NREP: variants seen among roughly 807,000 people sequenced by gnomAD.
NREP encodes the protein neuronal regeneration-related protein.
NREP carries 5 observed loss-of-function variants against 8.6 expected under a neutral mutation model. The ratio of observed to expected loss-of-function variants is 0.58; its 90% CI spans 0.30 to 1.22. The LOEUF is 1.22. NREP is among the 50% of genes most tolerant of loss of function. The pLI is 0.07. For missense variants in NREP, 86 were observed against 82.5 expected (o/e 1.04, Z -0.17); for synonymous variants, 27 against 28.0 (o/e 0.96, Z 0.11).
upstream of NREP, among the ~76,000 whole-genome samples, chr5:111,758,590 G>GA (rs1270069415): frequency 6.6e-6 from 1 of 151,798 alleles, no homozygotes; most frequent in Non-Finnish European, 1.5e-5. Context: ...GCCTTTCCAA[G>GA]AAAAAAAGAT....
At chr5:111,758,294 T>C (rs972043294), upstream of NREP, 1 of 978,758 alleles carries the variant, frequency 1.0e-6, no homozygotes, top group African/African-American at 1.8e-5. Context: ...GCCCAAGACA[T>C]ACTCCCCTGG....
At chr5:111,957,247 GATAAA>G (rs1756350878) in intron 2 of NREP, among the ~76,000 whole-genome samples, 2 of 151,776 alleles carry the variant, frequency 1.3e-5, no homozygotes, top group African/African-American at 4.8e-5. Flanking sequence ...ATTGTGATTT[GATAAA>G]ATAATAATCT....
intron 2 of NREP, among the ~76,000 whole-genome samples, chr5:111,777,501 C>T (rs192886805): frequency 6.6e-6 from 1 of 152,156 alleles, no homozygotes; most frequent in African/African-American, 2.4e-5. Context: ...CATGTAAAAA[C>T]ACACAAATTT....
chr5:111,758,086 G>T (rs78965386), upstream of NREP: 2 of 985,506 alleles, frequency 2.0e-6, no homozygotes, highest in East Asian at 1.1e-4. Flanking sequence ...GTCCGCGAAG[G>T]ATGCATTTGC....
At chr5:111,881,693 C>A (rs1371071506) in intron 2 of NREP, among the ~76,000 whole-genome samples, 1 of 152,178 alleles carries the variant, frequency 6.6e-6, no homozygotes, top group African/African-American at 2.4e-5. Flanking sequence ...TGTTCTGCAG[C>A]CACCTCTGCA....
rs573527456 is a variant in NREP at position 111,780,499 on chromosome 5, A to C, written c.136-44992T>G. ...TCTAAGTTATTTGGCTACAATGTAA[A>C]TCCCACTCATTGCTGCAAACATCAG... On this transcript the variant is annotated intron_variant, in intron 2 of 3. Transcript: ENST00000395634. 9.9e-5 allele frequency among the ~76,000 whole-genome samples: 15 copies of C among 152,236 alleles called. No individual in the cohort carries two copies. In the South Asian group the frequency reaches 3.1e-3, roughly 32 times the overall value.
At chr5:111,951,841 T>C (rs1208094092) in intron 2 of NREP, among the ~76,000 whole-genome samples, 1 of 152,118 alleles carries the variant, frequency 6.6e-6, no homozygotes, top group Admixed American at 6.6e-5. Context: ...TTTATATCCA[T>C]GTTTGCGAGG....
intron 2 of NREP, among the ~76,000 whole-genome samples, chr5:111,879,997 G>C (rs6594556): frequency 0.43 from 64,953 of 152,008 alleles, 16,919 homozygotes; most frequent in Non-Finnish European, 0.6. Context: ...AATTTGGGGA[G>C]ATATAAACAT....
chr5:111,748,205 G>T (rs1561644202), intron 2 of NREP, among the ~76,000 whole-genome samples: 1 of 152,152 alleles, frequency 6.6e-6, no homozygotes, highest in Non-Finnish European at 1.5e-5. Flanking sequence ...AGAATTTTAG[G>T]AGTCATTTTT....
intron 2 of NREP, among the ~76,000 whole-genome samples, chr5:111,907,287 C>T (rs1754801485): frequency 6.6e-6 from 1 of 152,002 alleles, no homozygotes; most frequent in Non-Finnish European, 1.5e-5. Flanking sequence ...TTGATTTTCT[C>T]CTGTTATACT....
rs146373111 is a variant in NREP, at chr5:111,849,421, A to T, written c.136-113914T>A. On this transcript the variant is annotated intron_variant, in intron 2 of 3. Coordinates refer to the NREP transcript ENST00000395634. ...TTCAAAGGTAAGCAGGGTTATACTT[A>T]TGAGATCTTAGCTATGTTTAAAGTT... Among the ~76,000 whole-genome samples the T allele has an allele frequency of 1.4e-3, 208 of 152,284 alleles. 1 individual carries two copies. The highest frequency in any genetic ancestry group is 4.8e-3 in the African/African-American group (200 of 41,574).
At chr5:111,864,528 G>T (rs530588236) in intron 2 of NREP, among the ~76,000 whole-genome samples, 1 of 152,066 alleles carries the variant, frequency 6.6e-6, no homozygotes, top group African/African-American at 2.4e-5. Context: ...TAATGAAAAA[G>T]CAGATAGACA....
chr5:111,943,021 C>T (rs1005327085), intron 2 of NREP, among the ~76,000 whole-genome samples: 25 of 151,940 alleles, frequency 1.6e-4, no homozygotes, highest in African/African-American at 6.0e-4. Flanking sequence ...CCTTTCTCCC[C>T]TTTGATCTCC....
chr5:111,957,959 C>T (rs1210230897), intron 2 of NREP, among the ~76,000 whole-genome samples: 1 of 151,756 alleles, frequency 6.6e-6, no homozygotes, highest in Non-Finnish European at 1.5e-5. Flanking sequence ...TGCAACAATA[C>T]CCATTCATGA....
Position 111,755,551 on chromosome 5 carries a change from T to G in NREP, c.3+219A>C, listed in dbSNP as rs542841449. On this transcript the variant is annotated intron_variant, in intron 2 of 3. Coordinates refer to ENST00000257435, the MANE Select transcript of NREP (RefSeq NM_004772.4). ...TTCTGAAAGAGGAATTTTAGTTTTC[T>G]ATTCAAAATAATTGCAAGTCAAAGA... 5.1e-4 allele frequency: 303 copies of G among 590,340 alleles called. 1 individual carries two copies. Among genetic ancestry groups the G allele is most frequent in the Admixed American group, 5.7e-4 (21 of 36,946 alleles). The allele number at this position is 590,340 out of a possible 1,614,324, so 36.6% of individuals were successfully genotyped here.
intron 2 of NREP, among the ~76,000 whole-genome samples, chr5:111,937,718 T>G (rs1277359889): frequency 2.6e-5 from 4 of 151,952 alleles, no homozygotes; most frequent in Non-Finnish European, 5.9e-5. Flanking sequence ...CTTTAAAGGG[T>G]ACTTTTCCAG....
At chr5:111,837,321 G>C (rs1341461168) in intron 2 of NREP, among the ~76,000 whole-genome samples, 1 of 151,978 alleles carries the variant, frequency 6.6e-6, no homozygotes, top group Non-Finnish European at 1.5e-5. Flanking sequence ...TTTCAGGACT[G>C]ATGAGGTTTG....
chr5:111,810,984 T>C (rs1752256642), intron 2 of NREP, among the ~76,000 whole-genome samples: 2 of 152,180 alleles, frequency 1.3e-5, no homozygotes, highest in Non-Finnish European at 2.9e-5. Context: ...TTCCTGGTGC[T>C]CACTGGGAAT....
chr5:111,847,678 G>A (rs1185921748), intron 2 of NREP, among the ~76,000 whole-genome samples: 2 of 152,138 alleles, frequency 1.3e-5, no homozygotes, highest in African/African-American at 4.8e-5. Flanking sequence ...TCTGTGTTTG[G>A]AGACAAGGTC....
Sources: allele counts gnomAD v4.1 joint callset (sites outside exome capture counted in the v4.1 genomes callset), GRCh38; gene constraint gnomAD v4.1.1; transcripts MANE v1.5; gene names NCBI Gene and HGNC (gene_info 2026-07-23, HGNC 2026-07-21).